ZPBP: variants seen among roughly 807,000 people sequenced by gnomAD.
The protein encoded by ZPBP is zona pellucida binding protein.
In ZPBP, 26 loss-of-function variants were observed where a neutral mutation model predicts 44.8. That is an observed-to-expected ratio of 0.58 (90% CI 0.43 to 0.81). The LOEUF (loss-of-function observed/expected upper bound fraction) is 0.81, where lower values mean the gene tolerates loss of function less well. ZPBP is among the 30% of genes least tolerant of loss of function. The pLI is 0.00. For synonymous variants in ZPBP, 174 were observed against 153.2 expected, an observed-to-expected ratio of 1.14 and a Z score of -1.00; for missense variants, 409 against 434.0, an observed-to-expected ratio of 0.94 and a Z score of 0.51.
At chr7:49,907,009 A>C (rs1223957453) in intron 1 of ZPBP, among the ~76,000 whole-genome samples, 1 of 152,230 alleles carries the variant, frequency 6.6e-6, no homozygotes, top group Non-Finnish European at 1.5e-5. Context: ...AATAGAGTCC[A>C]TGTTGAATAA....
intron 6 of ZPBP, among the ~76,000 whole-genome samples, chr7:49,999,806 C>A (rs886529344): frequency 1.3e-5 from 2 of 152,150 alleles, no homozygotes; most frequent in Non-Finnish European, 2.9e-5. Flanking sequence ...AAATGGTAAT[C>A]ACTTCCAGAA....
chr7:50,093,157 C>T lies in ZPBP; in HGVS notation c.38G>A (p.Arg13Lys). The change falls in exon 1 of 8, where the codon AGG (arginine) becomes AAG (lysine). Residue 13 changes from arginine to lysine, a missense_variant. Around this residue, in one of 2 missense-constraint regions of ZPBP, gnomAD observed 367 missense variants for 363.1 expected, o/e 1.01. Coordinates refer to ENST00000046087, the MANE Select transcript of ZPBP (RefSeq NM_007009.3). Reference protein sequence around the residue: ...AFALGPARRGRRRTRAAGSLL... With the variant: ...AFALGPARRGKRRTRAAGSLL... The stretch of plus-strand genomic sequence containing the variant: ...GGAGCCGGCGGCCCGGGTCCGCCGC[C>T]TGCCCCGCCGCGCTGGGCCAAGGGC... The T allele has an allele frequency of 6.5e-7, 1 of 1,538,694 alleles. No individual in the cohort carries two copies. The highest frequency in any genetic ancestry group is 8.7e-7 in the Non-Finnish European group (1 of 1,144,098).
chr7:49,858,471 C>T (rs565311747), intron 2 of ZPBP, among the ~76,000 whole-genome samples: 47 of 150,080 alleles, frequency 3.1e-4, no homozygotes, highest in African/African-American at 4.9e-4. Flanking sequence ...AACCAAACAC[C>T]GCATGTTCTC....
intron 2 of ZPBP, among the ~76,000 whole-genome samples, chr7:49,860,826 T>A (rs540581864): frequency 6.6e-6 from 1 of 152,278 alleles, no homozygotes; most frequent in East Asian, 1.9e-4. Context: ...ACACCAAGGA[T>A]GTGTGCACAG....
chr7:49,972,594 T>C (rs527289271), intron 7 of ZPBP, among the ~76,000 whole-genome samples: 1 of 152,144 alleles, frequency 6.6e-6, no homozygotes, highest in Non-Finnish European at 1.5e-5. Context: ...CATAAATAAC[T>C]GGAAAGGCAT....
intron 4 of ZPBP, among the ~76,000 whole-genome samples, chr7:50,045,569 C>T (rs888352150): frequency 3.3e-5 from 5 of 152,012 alleles, no homozygotes; most frequent in African/African-American, 1.2e-4. Flanking sequence ...GAATAAAATA[C>T]CTGGGAATAC....
chr7:49,877,183 C>T (rs770130674), intron 2 of ZPBP, among the ~76,000 whole-genome samples: 10 of 151,818 alleles, frequency 6.6e-5, no homozygotes, highest in Non-Finnish European at 8.8e-5. Context: ...TATTTGGGGC[C>T]GGGCGTAATG....
rs548614886 is a variant in ZPBP at position 50,063,599 on chromosome 7, A to ATT, written c.335-5460_335-5459dup. On this transcript the variant is annotated intron_variant, in intron 3 of 7. Coordinates refer to ENST00000046087, the MANE Select transcript of ZPBP (RefSeq NM_007009.3). ...TTGAATCCTTTAAAGCTTGAGAACC[A>ATT]TTTTTTTTTTTAAACAAAGAATCCG... 4.7e-5 allele frequency among the ~76,000 whole-genome samples: 7 copies of ATT among 148,830 alleles called. 1 individual carries two copies. Among genetic ancestry groups the ATT allele is most frequent in the Middle Eastern group, 7.0e-3 (2 of 286 alleles).
chr7:49,964,873 A>G (rs935731169), intron 7 of ZPBP, among the ~76,000 whole-genome samples: 2 of 152,120 alleles, frequency 1.3e-5, no homozygotes. Flanking sequence ...TTCTGAGGCT[A>G]GGTCATAAAA....
downstream of ZPBP, among the ~76,000 whole-genome samples, chr7:49,932,907 C>T (rs975707015): frequency 6.6e-6 from 1 of 152,124 alleles, no homozygotes; most frequent in African/African-American, 2.4e-5. Flanking sequence ...CTCATGTTCT[C>T]TTGCCTGCCA....
At chr7:49,847,999 A>G (rs955261466), downstream of ZPBP, among the ~76,000 whole-genome samples, 1 of 152,232 alleles carries the variant, frequency 6.6e-6, no homozygotes, top group African/African-American at 2.4e-5. Context: ...GAATGCAGAA[A>G]ATGAGATAGG....
At chr7:50,004,984 C>T (rs189222177) in intron 6 of ZPBP, among the ~76,000 whole-genome samples, 76 of 149,722 alleles carry the variant, frequency 5.1e-4, no homozygotes, top group Admixed American at 9.4e-4. Context: ...TTTAAAGATA[C>T]GATATAAGCA....
intron 4 of ZPBP, among the ~76,000 whole-genome samples, chr7:50,056,996 TAACACGGTGA>T (rs1800970916): frequency 6.6e-6 from 1 of 151,874 alleles, no homozygotes. Flanking sequence ...CCATCCTGGC[TAACACGGTGA>T]AACCCCATCT....
chr7:49,948,841 T>A (rs1795212042), intron 7 of ZPBP, among the ~76,000 whole-genome samples: 1 of 152,156 alleles, frequency 6.6e-6, no homozygotes, highest in Non-Finnish European at 1.5e-5. Flanking sequence ...AGAATTGCCA[T>A]ATGAATCAGC....
intron 2 of ZPBP, among the ~76,000 whole-genome samples, chr7:49,896,224 C>T (rs1359088200): frequency 6.6e-6 from 1 of 151,996 alleles, no homozygotes; most frequent in Non-Finnish European, 1.5e-5. Context: ...GCCTGTAGTC[C>T]CAGCTACTCA....
chr7:49,924,494 A>G lies in ZPBP; in HGVS notation n.411+11257T>C, dbSNP rs114850370. Among the ~76,000 whole-genome samples, 641 of 152,282 alleles carry G rather than the reference A, an allele frequency of 4.2e-3. 4 individuals carry two copies. The highest frequency in any genetic ancestry group is 0.015 in the African/African-American group (623 of 41,566). On this transcript the variant is annotated intron_variant and non_coding_transcript_variant, in intron 1 of 2. Transcript: ENST00000465922. The stretch of plus-strand genomic sequence containing the variant: ...ATTAAACTATAACTCAACAAGAAAA[A>G]CTATCAATAAATAAAATGTCTCCAT...
At chr7:49,908,689 G>C (rs979784669) in intron 1 of ZPBP, among the ~76,000 whole-genome samples, 7 of 152,014 alleles carry the variant, frequency 4.6e-5, no homozygotes, top group African/African-American at 1.4e-4. Flanking sequence ...AAAAGGAAGA[G>C]AGAAGGTTAA....
Position 50,025,411 on chromosome 7 carries a change from G to A in ZPBP, c.706+5681C>T, listed in dbSNP as rs192416434. Among the ~76,000 whole-genome samples the A allele has an allele frequency of 2.8e-3, 420 of 151,852 alleles. 3 individuals carry two copies. The highest frequency in any genetic ancestry group is 9.4e-3 in the African/African-American group (389 of 41,486). On this transcript the variant is annotated intron_variant, in intron 5 of 7. Coordinates refer to ENST00000046087, the MANE Select transcript of ZPBP (RefSeq NM_007009.3). ...CTATAAAACTACAGAATTCAAGATA[G>A]TATAGTACTGATGAAAGAACAGACA...
At chr7:50,040,975 G>A (rs988538387) in intron 4 of ZPBP, among the ~76,000 whole-genome samples, 3 of 152,172 alleles carry the variant, frequency 2.0e-5, no homozygotes, top group African/African-American at 7.2e-5. Flanking sequence ...GGTGGGGGGA[G>A]GGGCATCTGC....
Sources: allele counts gnomAD v4.1 joint callset (sites outside exome capture counted in the v4.1 genomes callset), GRCh38; gene constraint gnomAD v4.1.1; regional missense constraint gnomAD v4.1.1; transcripts MANE v1.5; gene names NCBI Gene and HGNC (gene_info 2026-07-23, HGNC 2026-07-21).